The following ALDH2 variants were observed in gnomAD, a reference collection of about 807,000 sequenced individuals.
ALDH2 encodes the protein aldehyde dehydrogenase, mitochondrial.
Under a neutral mutation model 59.6 loss-of-function variants are expected in ALDH2, and 44 were observed. That is an observed-to-expected ratio of 0.74 (90% CI 0.58 to 0.95). The LOEUF (loss-of-function observed/expected upper bound fraction) is 0.95. Ranked by LOEUF, ALDH2 falls within the 40% of genes least tolerant of loss-of-function variation. ALDH2 has a pLI of 0.00. For missense variants in ALDH2, 570 were observed against 696.3 expected (o/e 0.82, Z 2.04); for synonymous variants, 291 against 284.0 (o/e 1.02, Z -0.25).
At chr12:111,768,466 A>G (rs1314609940) in intron 1 of ALDH2, among the ~76,000 whole-genome samples, 1 of 152,260 alleles carries the variant, frequency 6.6e-6, no homozygotes, top group Non-Finnish European at 1.5e-5. Context: ...CTTTTGCATA[A>G]CACAAGCTAA....
intron 2 of ALDH2, 101 bp from the exon 3 acceptor site, chr12:111,783,057 G>A (rs754643496): frequency 1.2e-5 from 17 of 1,464,648 alleles, no homozygotes; most frequent in South Asian, 2.7e-5. Flanking sequence ...TCTGTGCAGC[G>A]ATATGCTGAT....
intron 1 of ALDH2, among the ~76,000 whole-genome samples, chr12:111,768,047 A>G (rs764374534): frequency 1.3e-5 from 2 of 152,180 alleles, no homozygotes; most frequent in African/African-American, 2.4e-5. Flanking sequence ...TTGCAATTTA[A>G]GGTAATTTTT....
intron 1 of ALDH2, among the ~76,000 whole-genome samples, chr12:111,777,373 G>A (rs1351259908): frequency 6.6e-6 from 1 of 152,188 alleles, no homozygotes; most frequent in Admixed American, 6.5e-5. Flanking sequence ...AGAGGGCTGA[G>A]TGGACTTCCT....
In ALDH2 at chr12:111,816,614, A is replaced by G. The variant is rs1449892030; in HGVS notation, c.*7039A>G. The G allele has an allele frequency of 6.6e-6, 1 of 152,210 alleles. No homozygotes were observed. The highest frequency in any genetic ancestry group is 1.5e-5 in the Non-Finnish European group (1 of 68,044). 9.4% of individuals were successfully genotyped at this position (152,210 alleles called of 1,614,324 possible). A position where few individuals can be genotyped will look rare whatever the true frequency, so the allele number is the denominator to read the frequency against. ...TCTCTACATTTCCCCCTTTCTGTTT[A>G]TGAATTAATTGAAAGAATGTAAGGC... On this transcript the variant is annotated 3_prime_UTR_variant, in exon 13 of 13. Transcript: ENST00000261733.
In ALDH2 at chr12:111,767,070, C is replaced by T. The variant is rs1035974154; in HGVS notation, c.88C>T (p.Gln30Ter). 1 of 1,527,580 alleles carries T rather than the reference C, an allele frequency of 6.5e-7. No individual in the cohort carries two copies. Among genetic ancestry groups the T allele is most frequent in the Admixed American group, 2.0e-5 (1 of 50,160 alleles). The allele number at this position is 1,527,580 out of a possible 1,614,324, so 94.6% of individuals were successfully genotyped here. The change falls in exon 1 of 13, where the codon CAG becomes TAG. Residue 30 changes from glutamine (Q) to a stop codon, truncating the protein, a stop_gained. Transcript: ENST00000261733. LOFTEE classifies it high-confidence loss of function. The stretch of plus-strand genomic sequence containing the variant: ...CACCCAGGCCGTGCCTGCCCCCAAC[C>T]AGCAGCCCGAGGTCTTCTGCAACCA... The part of the protein sequence containing the change: ...AATQAVPAPN[Q>*]QPEVFCNQIF...
intron 12 of ALDH2, among the ~76,000 whole-genome samples, chr12:111,804,997 G>A (rs1353103609): frequency 6.6e-6 from 1 of 152,082 alleles, no homozygotes; most frequent in Non-Finnish European, 1.5e-5. Context: ...TTATCTCTAA[G>A]AGGGGAAAAT....
At chr12:111,767,488 C>T (rs2068167748) in intron 1 of ALDH2, among the ~76,000 whole-genome samples, 2 of 152,208 alleles carry the variant, frequency 1.3e-5, no homozygotes, top group Admixed American at 1.3e-4. Context: ...CCTTAGTCAT[C>T]CCCTTTACCC....
intron 1 of ALDH2, among the ~76,000 whole-genome samples, chr12:111,780,249 G>T (rs961176021): frequency 8.5e-5 from 13 of 152,160 alleles, no homozygotes; most frequent in Non-Finnish European, 1.3e-4. Flanking sequence ...TGAGCAAATG[G>T]AGGGGCTTTG....
intron 11 of ALDH2, among the ~76,000 whole-genome samples, chr12:111,801,613 C>T (rs1021460954): frequency 1.3e-5 from 2 of 151,358 alleles, no homozygotes; most frequent in African/African-American, 2.4e-5. Context: ...GCAGGAGAAT[C>T]GCTTGAACCT....
rs778990792 is a variant in ALDH2 at position 111,800,052 on chromosome 12, G to A, written c.1395G>A (p.Ala465=). The A allele has an allele frequency of 2.5e-5, 40 of 1,612,072 alleles. No homozygotes were observed. The highest frequency in any genetic ancestry group is 3.0e-5 in the Non-Finnish European group (35 of 1,179,536). Residue 465 remains alanine, a synonymous_variant, in exon 11 of 13, where the codon GCG becomes GCA. Transcript: ENST00000261733. ...KANYLSQALQ[A]GTVWVNCYDV... ...ATTACCTGTCCCAGGCCCTCCAGGC[G>A]GGCACTGTGTGGTAAGAGCCTCCCA...
At chr12:111,772,852 G>A (rs1455477738) in intron 1 of ALDH2, among the ~76,000 whole-genome samples, 2 of 151,392 alleles carry the variant, frequency 1.3e-5, no homozygotes, top group Non-Finnish European at 2.9e-5. Context: ...AGTTTTAAGA[G>A]CCTCTATAGA....
chr12:111,782,961 A>G (rs1172048461), intron 2 of ALDH2, among the ~76,000 whole-genome samples, 197 bp from the exon 3 acceptor site: 1 of 152,088 alleles, frequency 6.6e-6, no homozygotes, highest in East Asian at 1.9e-4. Context: ...AAAGGAGGGG[A>G]AGGTCATGTT....
rs1470635112 is a variant in ALDH2, at chr12:111,791,319, CT to C, written c.696del (p.Gly233ValfsTer37). 1 of 1,613,950 alleles carries C rather than the reference CT, an allele frequency of 6.2e-7. No homozygotes were observed. Among genetic ancestry groups the C allele is most frequent in the Non-Finnish European group, 8.5e-7 (1 of 1,179,918 alleles). On this transcript the variant is annotated frameshift_variant, in exon 7 of 13. Transcript: ENST00000261733. LOFTEE classifies it high-confidence loss of function. The stretch of plus-strand genomic sequence containing the variant: ...GTTTGCTCACAGGCTGGCTTTCCCC[CT>C]GGTGTGGTCAACATTGTGCCTGGAT... ...ANLIKEAGFP[P>X]GVVNIVPGFG...
intron 1 of ALDH2, among the ~76,000 whole-genome samples, chr12:111,776,246 T>A (rs1364037988): frequency 1.3e-5 from 2 of 152,122 alleles, no homozygotes; most frequent in Non-Finnish European, 2.9e-5. Flanking sequence ...GGGAACAACA[T>A]AAAGAGTATA....
rs925217597 is a variant in ALDH2, at chr12:111,791,435, C to T, written c.795+16C>T. ...CTCCACTGAGGTAAGGTGACCCTGG[C>T]CTCAAGCTTGCAGCCTCCTTGGCCC... On this transcript the variant is annotated intron_variant, in intron 7 of 12. Coordinates refer to ENST00000261733, the MANE Select transcript of ALDH2 (RefSeq NM_000690.4). 10 of 1,591,518 alleles carry T rather than the reference C, an allele frequency of 6.3e-6. No individual in the cohort carries two copies. The African/African-American group carries it at 1.2e-4, about 19-fold the overall frequency.
At position 111,815,793 on chromosome 12, in the gene ALDH2, T is replaced by G. The variant is rs2068566169; in HGVS notation, c.*6218T>G. The G allele has an allele frequency of 2.0e-5, 3 of 147,266 alleles. No homozygotes were observed. In the South Asian group the frequency reaches 6.5e-4, roughly 32 times the overall value. The allele number at this position is 147,266 out of a possible 1,614,324, so 9.1% of individuals were successfully genotyped here. On this transcript the variant is annotated 3_prime_UTR_variant, in exon 13 of 13. Transcript: ENST00000261733. ...CATATATATATATATTTTTTTTTTT[T>G]TTTGAGAGAGAGAGAGAGAGATGGA...
intron 7 of ALDH2, 28 bp from the exon 8 acceptor site, chr12:111,792,033 G>T: frequency 6.8e-7 from 1 of 1,461,400 alleles, no homozygotes; most frequent in Non-Finnish European, 9.6e-7. Context: ...GGCACTGAGA[G>T]CTTGTTCCTG....
At chr12:111,802,865 G>A (rs1444110149) in intron 11 of ALDH2, among the ~76,000 whole-genome samples, 4 of 142,298 alleles carry the variant, frequency 2.8e-5, no homozygotes, top group Non-Finnish European at 4.5e-5. Flanking sequence ...GGGCGACGGA[G>A]CGAGACTCTG....
At chr12:111,782,549 C>T (rs1482129364) in intron 2 of ALDH2, among the ~76,000 whole-genome samples, 1 of 151,892 alleles carries the variant, frequency 6.6e-6, no homozygotes, top group Admixed American at 6.6e-5. Context: ...AGTGAGATAC[C>T]ATCTCTAAAG....
Sources: gnomAD v4.1 joint callset for allele counts (sites outside exome capture counted in the v4.1 genomes callset) on GRCh38, gnomAD v4.1.1 for gene constraint, MANE v1.5 for transcripts, NCBI Gene and HGNC (gene_info 2026-07-23, HGNC 2026-07-21) for gene names.